Variants in POU6F1 observed in about 807,000 individuals in gnomAD.
The protein encoded by POU6F1 is POU domain, class 6, transcription factor 1.
In POU6F1, 9 loss-of-function variants were observed where a neutral mutation model predicts 28.9. That is an observed-to-expected ratio of 0.31 (90% confidence interval 0.19 to 0.54). The LOEUF is 0.54. Among genes scored for constraint, POU6F1 ranks in the 20% least tolerant of loss-of-function variants. The probability of loss-of-function intolerance (pLI) is 0.94; values close to 1 mark genes in which losing one functional copy is unlikely to be tolerated. For missense variants in POU6F1, 338 were observed against 426.1 expected (o/e 0.79, Z 1.82); for synonymous variants, 173 against 171.1 (o/e 1.01, Z -0.09).
chr12:51,196,909 C>T lies in POU6F1; in HGVS notation c.865G>A (p.Gly289Arg), dbSNP rs532199072. Residue 289 changes from glycine to arginine, a missense_variant, in exon 7 of 11, where the codon GGG becomes AGG. Gly to Arg is a moderately radical substitution (Grantham distance 125). Around this residue, in one of 3 missense-constraint regions of POU6F1, gnomAD observed 206 missense variants for 225.6 expected, o/e 0.91. Coordinates refer to ENST00000333640, the MANE Select transcript of POU6F1 (RefSeq NM_001330422.2). Reference protein sequence around the residue: ...SPGIISAASLGGQTQILGSLT... With the variant: ...SPGIISAASLRGQTQILGSLT... ...GACCCCAGGATCTGGGTCTGTCCCC[C>T]GAGGGAAGCAGCACTGATCTGTGGG... 2.3e-5 allele frequency: 37 copies of T among 1,597,814 alleles called. No homozygotes were observed. The highest frequency in any genetic ancestry group is 1.4e-4 in the South Asian group (13 of 90,434).
intron 10 of POU6F1, 132 bp downstream of exon 10, chr12:51,191,464 T>C: frequency 1.8e-6 from 2 of 1,093,950 alleles, no homozygotes; most frequent in South Asian, 3.2e-5. Context: ...CTTAAGATGG[T>C]CTTCCTTATC....
intron 1 of POU6F1, among the ~76,000 whole-genome samples, chr12:51,214,990 A>G (rs937145745): frequency 6.6e-6 from 1 of 152,068 alleles, no homozygotes; most frequent in African/African-American, 2.4e-5. Flanking sequence ...AAATGTGAAA[A>G]ATGAAAAGTA....
intron 3 of POU6F1, among the ~76,000 whole-genome samples, chr12:51,200,988 T>C (rs1480685239): frequency 1.3e-5 from 2 of 152,224 alleles, no homozygotes; most frequent in Non-Finnish European, 1.5e-5. Flanking sequence ...TCACCGCGCC[T>C]GGCCAGATCA....
intron 1 of POU6F1, among the ~76,000 whole-genome samples, chr12:51,213,548 T>A (rs899072338): frequency 2.8e-4 from 43 of 151,916 alleles, no homozygotes; most frequent in African/African-American, 7.7e-4. Flanking sequence ...ATTTTATTTT[T>A]TTGAGACGAG....
chr12:51,205,061 C>CA (rs1484950986), intron 2 of POU6F1, among the ~76,000 whole-genome samples: 1 of 117,898 alleles, frequency 8.5e-6, no homozygotes, highest in Non-Finnish European at 1.7e-5. Flanking sequence ...TTTTTTGAGA[C>CA]AGAGTCTCGC....
intron 1 of POU6F1, among the ~76,000 whole-genome samples, chr12:51,211,600 T>C (rs1426357283): frequency 6.6e-6 from 1 of 151,762 alleles, no homozygotes; most frequent in African/African-American, 2.4e-5. Flanking sequence ...AAAAATAAAA[T>C]AAACTAGCCA....
rs1378034228 is a variant in POU6F1, at chr12:51,189,224, AG to A, written c.*1022del. 1.3e-5 allele frequency: 2 copies of A among 152,296 alleles called. No individual in the cohort carries two copies. The highest frequency in any genetic ancestry group is 1.9e-4 in the East Asian group (1 of 5,188). 9.4% of individuals were successfully genotyped at this position (152,296 alleles called of 1,614,324 possible). A position where few individuals can be genotyped will look rare whatever the true frequency, so the allele number is the denominator to read the frequency against. ...ATTTCAGGATGTTGTCCTTTCCCCCAGGGCCTTGCTGTCTGGTTTATTGTTT... is the reference window on the plus strand; with the variant it reads ...ATTTCAGGATGTTGTCCTTTCCCCCAGGCCTTGCTGTCTGGTTTATTGTTT... On this transcript the variant is annotated 3_prime_UTR_variant, in exon 11 of 11. Transcript: ENST00000333640.
intron 9 of POU6F1, 82 bp downstream of exon 9, chr12:51,192,248 A>G: frequency 6.5e-7 from 1 of 1,529,650 alleles, no homozygotes. Flanking sequence ...CAGGATATCA[A>G]GGAAAGCAGC....
intron 10 of POU6F1, 55 bp downstream of exon 10, chr12:51,191,541 G>A (rs1592135702): frequency 7.6e-6 from 12 of 1,574,566 alleles, no homozygotes; most frequent in African/African-American, 1.4e-5. Context: ...ATGAGTGCCC[G>A]GTGGCACCAG....
chr12:51,194,289 A>G (rs1942655856), intron 8 of POU6F1, among the ~76,000 whole-genome samples: 1 of 152,156 alleles, frequency 6.6e-6, no homozygotes, highest in South Asian at 2.1e-4. Flanking sequence ...GGCCTACCAA[A>G]GTGCTGGGAT....
At chr12:51,205,009 G>T (rs962461600) in intron 2 of POU6F1, among the ~76,000 whole-genome samples, 5 of 149,592 alleles carry the variant, frequency 3.3e-5, no homozygotes, top group African/African-American at 1.2e-4. Flanking sequence ...CTCCCTCTCT[G>T]CCTGGCACCG....
chr12:51,189,154 A>C lies in POU6F1; in HGVS notation c.*1093T>G, dbSNP rs1310498802. 1 of 152,126 alleles carries C rather than the reference A, an allele frequency of 6.6e-6. No homozygotes were observed. The allele number at this position is 152,126 out of a possible 1,614,324, so 9.4% of individuals were successfully genotyped here. ...GGCTTAAAGTTACAAAGAAAATTAG[A>C]GTTAAGTCAACTTCCACAAGAGACC... On this transcript the variant is annotated 3_prime_UTR_variant, in exon 11 of 11. Coordinates refer to ENST00000333640, the MANE Select transcript of POU6F1 (RefSeq NM_001330422.2).
chr12:51,205,102 A>G (rs1163310064), intron 2 of POU6F1, among the ~76,000 whole-genome samples: 1 of 143,966 alleles, frequency 6.9e-6, no homozygotes, highest in East Asian at 2.0e-4. Context: ...GCAGTGGCGC[A>G]ATCTCGGCTC....
Position 51,190,223 on chromosome 12 carries a change from G to GA in POU6F1, c.*23dup. On this transcript the variant is annotated 3_prime_UTR_variant, in exon 11 of 11. Coordinates refer to ENST00000333640, the MANE Select transcript of POU6F1 (RefSeq NM_001330422.2). This position sits in a 1 kb window ranked among gnomAD's most constrained non-coding sequence, Gnocchi z 4.5. ...GCCACGGGAAATGGACAAAGTGCTAGAACACAGGGCCAGGGGCTGAGCCCT... is the reference window on the plus strand; with the variant it reads ...GCCACGGGAAATGGACAAAGTGCTAGAAACACAGGGCCAGGGGCTGAGCCCT... 1 of 1,610,048 alleles carries GA rather than the reference G, an allele frequency of 6.2e-7. No homozygotes were observed. Among genetic ancestry groups the GA allele is most frequent in the Non-Finnish European group, 8.5e-7 (1 of 1,177,856 alleles).
intron 3 of POU6F1, chr12:51,202,034 AT>A: frequency 6.6e-6 from 1 of 151,966 alleles, no homozygotes; most frequent in Non-Finnish European, 1.5e-5. Flanking sequence ...TAATTTTTGT[AT>A]TTTTTTGTAG....
intron 1 of POU6F1, chr12:51,207,505 C>T (rs1276057397): frequency 6.6e-6 from 1 of 152,138 alleles, no homozygotes; most frequent in East Asian, 1.9e-4. Flanking sequence ...CTGACCCTGA[C>T]CCTCAGAACC....
At chr12:51,213,241 A>C (rs1944121115) in intron 1 of POU6F1, among the ~76,000 whole-genome samples, 1 of 151,148 alleles carries the variant, frequency 6.6e-6, no homozygotes, top group African/African-American at 2.4e-5. Context: ...CCGGCCTCTA[A>C]TGCAGTTTTA....
intron 8 of POU6F1, among the ~76,000 whole-genome samples, chr12:51,192,948 C>T (rs1223194633): frequency 6.6e-6 from 1 of 151,984 alleles, no homozygotes; most frequent in African/African-American, 2.4e-5. Flanking sequence ...TATTAATACC[C>T]ACCCAACAAT....
At chr12:51,201,689 A>C (rs1316130016) in intron 3 of POU6F1, 2 of 152,164 alleles carry the variant, frequency 1.3e-5, no homozygotes, top group Admixed American at 6.5e-5. Flanking sequence ...CCCTCTAAAG[A>C]AGCAAAATAT....
Sources: allele counts gnomAD v4.1 joint callset (sites outside exome capture counted in the v4.1 genomes callset), GRCh38; gene constraint gnomAD v4.1.1; regional missense constraint gnomAD v4.1.1; non-coding constraint Gnocchi (gnomAD v3.1); transcripts MANE v1.5; gene names NCBI Gene and HGNC (gene_info 2026-07-23, HGNC 2026-07-21).